ARHGEF18: variants seen among roughly 807,000 people sequenced by gnomAD.
ARHGEF18 encodes rho guanine nucleotide exchange factor 18.
ARHGEF18 carries 93 observed loss-of-function variants against 155.7 expected under a neutral mutation model. That is an observed-to-expected ratio of 0.60 (90% confidence interval 0.50 to 0.71). The LOEUF is 0.71. Among genes scored for constraint, ARHGEF18 ranks in the 30% least tolerant of loss-of-function variants. The probability of loss-of-function intolerance (pLI) is 0.00; values close to 1 mark genes in which losing one functional copy is unlikely to be tolerated. For missense variants in ARHGEF18, 1,593 were observed against 1,816.1 expected (o/e 0.88, Z 2.23); for synonymous variants, 742 against 753.1 (o/e 0.99, Z 0.24).
intron 8 of ARHGEF18, among the ~76,000 whole-genome samples, chr19:7,381,691 T>TAATAAATAAATAAATAAATAAATA (rs57480401): frequency 6.8e-6 from 1 of 146,092 alleles, no homozygotes; most frequent in African/African-American, 2.6e-5. Context: ...AATAAATAAA[T>TAATAAATAAATAAATAAATAAATA]AATAAATAAA....
chr19:7,425,987 G>A (rs2145700099), intron 10 of ARHGEF18, among the ~76,000 whole-genome samples: 1 of 151,830 alleles, frequency 6.6e-6, no homozygotes, highest in East Asian at 1.9e-4. Flanking sequence ...GCAACAGAGT[G>A]AGACCCTGTC....
chr19:7,355,053 G>T (rs1049889431), intron 1 of ARHGEF18, among the ~76,000 whole-genome samples: 1 of 148,510 alleles, frequency 6.7e-6, no homozygotes, highest in Admixed American at 6.7e-5. Context: ...CTGACCTCAC[G>T]GATACCAATG....
intron 1 of ARHGEF18, among the ~76,000 whole-genome samples, chr19:7,361,991 GGAAGAAGAA>G (rs1185709548): frequency 0.017 from 1,314 of 79,004 alleles, 136 homozygotes; most frequent in African/African-American, 0.069. Context: ...AAGACTCTGT[GGAAGAAGAA>G]GAAGAAGAAG....
At position 7,395,499 on chromosome 19, in the gene ARHGEF18, C is replaced by T. The variant is rs113144206; in HGVS notation, c.967+12296C>T. On this transcript the variant is annotated intron_variant, in intron 10 of 28. Transcript: ENST00000668164. This position sits in a 1 kb window ranked among gnomAD's most constrained non-coding sequence, Gnocchi z 5.0. ...CCCGCCCGCTCCGTCCGAGCCCCAG[C>T]CAGTCCTGGGGTGCTACGGCTTACT... 3.9e-4 allele frequency among the ~76,000 whole-genome samples: 60 copies of T among 152,210 alleles called. No individual in the cohort carries two copies. Among genetic ancestry groups the T allele is most frequent in the African/African-American group, 1.2e-3 (51 of 41,540 alleles).
chr19:7,477,641 C>T, the ARHGEF18 span, among the ~76,000 whole-genome samples: 9 of 152,256 alleles, frequency 5.9e-5, no homozygotes, highest in African/African-American at 2.2e-4. Flanking sequence ...GGCAGGAACC[C>T]GGGTCCAAGT....
intron 5 of ARHGEF18, among the ~76,000 whole-genome samples, chr19:7,377,889 AC>A (rs1441893889): frequency 6.6e-6 from 1 of 151,908 alleles, no homozygotes; most frequent in Non-Finnish European, 1.5e-5. Flanking sequence ...GTTCGAGACC[AC>A]CCTGGCCAAC....
At position 7,364,402 on chromosome 19, in the gene ARHGEF18, A is replaced by AAGGAAGGAAGGAAGGAAGGCAGGC. The variant is rs36151895; in HGVS notation, c.15+1500_15+1501insAAGGAAGGAAGGAAGGCAGGCAGG. 3.4e-3 allele frequency among the ~76,000 whole-genome samples: 442 copies of AAGGAAGGAAGGAAGGAAGGCAGGC among 129,708 alleles called. 1 individual carries two copies. Among genetic ancestry groups the AAGGAAGGAAGGAAGGAAGGCAGGC allele is most frequent in the South Asian group, 8.1e-3 (28 of 3,474 alleles). The allele number at this position is 129,708 out of a possible 152,430, so 85.1% of individuals were successfully genotyped here. ...GAAGGAAGGAAGGAAGGAAGGAAGG[A>AAGGAAGGAAGGAAGGAAGGCAGGC]AGGCAGGCTGACTAAAACCAAATAC... is the stretch of plus-strand genomic sequence containing the variant. On this transcript the variant is annotated intron_variant, in intron 2 of 28. Coordinates refer to ENST00000668164, the MANE Select transcript of ARHGEF18 (RefSeq NM_001367823.1).
At chr19:7,421,962 A>C (rs1973372946) in intron 10 of ARHGEF18, among the ~76,000 whole-genome samples, 1 of 151,800 alleles carries the variant, frequency 6.6e-6, no homozygotes, top group Non-Finnish European at 1.5e-5. Context: ...CCCAAACCAG[A>C]CATCTTCGTC....
intron 1 of ARHGEF18, among the ~76,000 whole-genome samples, chr19:7,362,018 AGAAGGAGAAGGAGAAGG>A (rs1969585569): frequency 5.1e-5 from 2 of 39,384 alleles, no homozygotes; most frequent in Admixed American, 5.1e-4. Flanking sequence ...AAGAAGAAGG[AGAAGGAGAAGGAGAAGG>A]AGAAGGAGAA....
At chr19:7,474,667 C>T (rs543801822), downstream of ARHGEF18, among the ~76,000 whole-genome samples, 9 of 151,952 alleles carry the variant, frequency 5.9e-5, no homozygotes, top group South Asian at 4.2e-4. Flanking sequence ...CGTGAGCCAC[C>T]GCGCCTGGTC....
In ARHGEF18 at chr19:7,349,000, C is replaced by T. The variant is rs973587891; in HGVS notation, c.-352C>T. On this transcript the variant is annotated 5_prime_UTR_variant, in exon 1 of 29. Transcript: ENST00000668164. The stretch of plus-strand genomic sequence containing the variant: ...GGCTCTCTGCCTCCAGAACCCCCAT[C>T]CTCTGGGCTCTTTTTAGGCCCCTAG... 3 of 152,302 alleles carry T rather than the reference C, an allele frequency of 2.0e-5. No individual in the cohort carries two copies. The highest frequency in any genetic ancestry group is 3.8e-4 in the East Asian group (2 of 5,200). 9.4% of individuals were successfully genotyped at this position (152,302 alleles called of 1,614,324 possible).
At chr19:7,351,148 G>A (rs938452558) in intron 1 of ARHGEF18, among the ~76,000 whole-genome samples, 12 of 152,048 alleles carry the variant, frequency 7.9e-5, no homozygotes, top group Non-Finnish European at 1.2e-4. Flanking sequence ...TGTCTGGCAC[G>A]TAATAGATCA....
At chr19:7,377,754 C>G (rs1970526674) in intron 5 of ARHGEF18, among the ~76,000 whole-genome samples, 1 of 149,378 alleles carries the variant, frequency 6.7e-6, no homozygotes, top group Non-Finnish European at 1.5e-5. Context: ...CAGGACTGCG[C>G]TCCGCTCTGG....
intron 10 of ARHGEF18, among the ~76,000 whole-genome samples, chr19:7,415,715 C>T (rs1015386436): frequency 1.3e-5 from 2 of 151,976 alleles, no homozygotes; most frequent in African/African-American, 4.8e-5. Context: ...TGACAGGCCT[C>T]GTGCCAGCCA....
At chr19:7,401,370 C>T (rs966575527) in intron 10 of ARHGEF18, among the ~76,000 whole-genome samples, 4 of 152,156 alleles carry the variant, frequency 2.6e-5, no homozygotes, top group African/African-American at 7.2e-5. Context: ...ACTGCAGCCT[C>T]AACCTCCTGG....
At chr19:7,427,486 A>G (rs1973727963) in intron 10 of ARHGEF18, among the ~76,000 whole-genome samples, 1 of 147,444 alleles carries the variant, frequency 6.8e-6, no homozygotes, top group Admixed American at 7.0e-5. Flanking sequence ...CTCTACAGAA[A>G]ATACAAAAAT....
At chr19:7,467,719 G>T (rs1018686597) in intron 26 of ARHGEF18, 35 bp downstream of exon 26, 6 of 1,433,802 alleles carry the variant, frequency 4.2e-6, no homozygotes, top group Non-Finnish European at 5.4e-6. Flanking sequence ...GCAGGTTGGG[G>T]GTGACCGGTT....
chr19:7,385,827 CTCTCTA>C (rs1568285645), intron 10 of ARHGEF18, among the ~76,000 whole-genome samples: 92 of 115,912 alleles, frequency 7.9e-4, no homozygotes, highest in African/African-American at 2.6e-3. Context: ...GGATCTATCT[CTCTCTA>C]TCTCTCTCTC....
Position 7,444,377 on chromosome 19 carries a change from C to T in ARHGEF18, c.1534C>T (p.Arg512Cys), listed in dbSNP as rs372921662. The T allele has an allele frequency of 8.1e-6, 13 of 1,613,624 alleles. No homozygotes were observed. The highest frequency in any genetic ancestry group is 6.7e-5 in the East Asian group (3 of 44,886). The change falls in exon 14 of 29, where the codon CGC becomes TGC. Residue 512 changes from arginine to cysteine, a missense_variant. By Grantham distance (180) the Arg-to-Cys change is radical (BLOSUM62 -3). Transcript: ENST00000668164. The surrounding 1 kb of genome is among the most constrained non-coding windows in gnomAD (Gnocchi z 4.7). ...CCACTTCCTCGCTCGGCTCAAGGAG[C>T]GCCGCCAGGAGTCCCTGGAGGAGGG... ...HSHFLARLKE[R>C]RQESLEEGSD...
Sources: gnomAD v4.1 joint callset for allele counts (sites outside exome capture counted in the v4.1 genomes callset) on GRCh38, gnomAD v4.1.1 for gene constraint, Gnocchi (gnomAD v3.1) non-coding constraint, MANE v1.5 for transcripts, NCBI Gene and HGNC (gene_info 2026-07-23, HGNC 2026-07-21) for gene names.